UBE4A: variants seen among roughly 807,000 people sequenced by gnomAD.
The protein encoded by UBE4A is ubiquitination factor E4A.
A neutral mutation model predicts 117.9 loss-of-function variants in UBE4A; 48 were observed. The ratio of observed to expected loss-of-function variants is 0.41; its 90% CI spans 0.32 to 0.52. UBE4A has a LOEUF of 0.52. Among genes scored for constraint, UBE4A ranks in the 20% least tolerant of loss-of-function variants. UBE4A has a pLI of 0.33. For missense variants in UBE4A, 1,067 were observed against 1,296.3 expected (o/e 0.82, Z 2.72); for synonymous variants, 407 against 450.0 (o/e 0.90, Z 1.21).
intron 5 of UBE4A, among the ~76,000 whole-genome samples, chr11:118,371,987 C>T (rs540912408): frequency 2.0e-5 from 3 of 152,300 alleles, no homozygotes; most frequent in African/African-American, 7.2e-5. Flanking sequence ...AGGCTGGGCA[C>T]AGTGGCTCAC....
intron 13 of UBE4A, among the ~76,000 whole-genome samples, chr11:118,382,990 T>G (rs556698991): frequency 2.0e-5 from 3 of 152,238 alleles, no homozygotes; most frequent in East Asian, 3.9e-4. Flanking sequence ...CCTGTTTTAT[T>G]TATTTTTTAT....
Position 118,383,023 on chromosome 11 carries a change from A to G in UBE4A, c.2197+247A>G, listed in dbSNP as rs75912014. Among the ~76,000 whole-genome samples the G allele has an allele frequency of 1.6e-4, 24 of 151,946 alleles. No individual in the cohort carries two copies. In the East Asian group the frequency reaches 4.4e-3, roughly 28 times the overall value. On this transcript the variant is annotated intron_variant, in intron 13 of 19. Transcript: ENST00000252108. ...TATTTTTTAATTATTCTTGTTTTAC[A>G]TATGAAGACATGACTGCCCAAAAGA...
At chr11:118,391,470 G>A (rs1407189107) in intron 18 of UBE4A, among the ~76,000 whole-genome samples, 5 of 150,290 alleles carry the variant, frequency 3.3e-5, no homozygotes, top group Non-Finnish European at 5.9e-5. Context: ...GCAACAGAGC[G>A]AGATTCCATC....
intron 13 of UBE4A, among the ~76,000 whole-genome samples, chr11:118,383,094 TCTGTGTCAC>T (rs1948721020): frequency 6.6e-6 from 1 of 152,104 alleles, no homozygotes; most frequent in South Asian, 2.1e-4. Context: ...TAGAATCAGG[TCTGTGTCAC>T]CTAAAGAAAT....
At chr11:118,363,706 A>C (rs934593509) in intron 1 of UBE4A, among the ~76,000 whole-genome samples, 1 of 147,966 alleles carries the variant, frequency 6.8e-6, no homozygotes, top group Non-Finnish European at 1.5e-5. Context: ...CTGCCTCCCG[A>C]GTCCAAGCAA....
chr11:118,397,266 A>T lies in UBE4A; in HGVS notation c.*826A>T, dbSNP rs1405579100. ...GACACTAATATCAACAGTATATCTC[A>T]GTGTGTGAGATATATAAATACACAT... On this transcript the variant is annotated 3_prime_UTR_variant, in exon 20 of 20. Coordinates refer to ENST00000252108, the MANE Select transcript of UBE4A (RefSeq NM_001204077.2). The T allele has an allele frequency of 2.6e-5, 4 of 152,310 alleles. No individual in the cohort carries two copies. Among genetic ancestry groups the T allele is most frequent in the African/African-American group, 9.6e-5 (4 of 41,568 alleles). The allele number at this position is 152,310 out of a possible 1,614,324, so 9.4% of individuals were successfully genotyped here.
At chr11:118,363,805 A>T (rs527392065) in intron 1 of UBE4A, among the ~76,000 whole-genome samples, 1 of 151,884 alleles carries the variant, frequency 6.6e-6, no homozygotes, top group Non-Finnish European at 1.5e-5. Context: ...TTTAGTAGAG[A>T]TGGGGTTTCA....
At chr11:118,394,371 A>C (rs1482262646) in intron 19 of UBE4A, among the ~76,000 whole-genome samples, 3 of 152,132 alleles carry the variant, frequency 2.0e-5, no homozygotes, top group Non-Finnish European at 4.4e-5. Flanking sequence ...CATGTTACCC[A>C]GGCCAGTCTC....
intron 13 of UBE4A, 81 bp downstream of exon 13, chr11:118,382,857 C>A: frequency 7.8e-7 from 1 of 1,277,974 alleles, no homozygotes. Context: ...ATTTGGATAT[C>A]AAAGAAATGT....
chr11:118,373,026 T>C, intron 6 of UBE4A, 60 bp from the exon 7 acceptor site: 1 of 1,346,450 alleles, frequency 7.4e-7, no homozygotes, highest in East Asian at 2.3e-5. Flanking sequence ...AAAGAGCTAG[T>C]GTGTAAAGGC....
intron 5 of UBE4A, 57 bp from the exon 6 acceptor site, chr11:118,372,450 C>G: frequency 6.5e-7 from 1 of 1,535,998 alleles, no homozygotes. Context: ...ACTATGTCTA[C>G]TTTCGTTCCA....
chr11:118,384,534 C>T (rs1948736791), intron 13 of UBE4A, 101 bp from the exon 14 acceptor site: 1 of 1,113,012 alleles, frequency 9.0e-7, no homozygotes, highest in Admixed American at 2.2e-5. Context: ...CCTTAACACA[C>T]TCAAAAGCAA....
chr11:118,380,116 AGTGTGTGTGTGTGTGTGCGTGTGTGTGT>A (rs1266374703), intron 11 of UBE4A, among the ~76,000 whole-genome samples: 2 of 142,592 alleles, frequency 1.4e-5, no homozygotes, highest in Non-Finnish European at 3.1e-5. Context: ...GAAGGGAAAG[AGTGTGTGTGTGTGTGTGCGTGTGTGTGT>A]GTGTGTGTGT....
intron 18 of UBE4A, among the ~76,000 whole-genome samples, chr11:118,391,405 C>T (rs2134112415): frequency 6.6e-6 from 1 of 151,302 alleles, no homozygotes; most frequent in East Asian, 1.9e-4. Context: ...AGGAGAATCG[C>T]TTGAACCTGG....
Position 118,389,088 on chromosome 11 carries a change from T to C in UBE4A, c.2588-637T>C, listed in dbSNP as rs371562309. ...GGAGGATCACTTTGAGCCCAGGAGT[T>C]TGAGACCAGCCTGGGCAATATAGTG... On this transcript the variant is annotated intron_variant, in intron 16 of 19. Coordinates refer to ENST00000252108, the MANE Select transcript of UBE4A (RefSeq NM_001204077.2). Among the ~76,000 whole-genome samples, 13 of 152,320 alleles carry C rather than the reference T, an allele frequency of 8.5e-5. No homozygotes were observed. In the East Asian group the frequency reaches 1.7e-3, roughly 20 times the overall value.
intron 16 of UBE4A, among the ~76,000 whole-genome samples, chr11:118,387,502 A>G (rs1053871020): frequency 2.6e-5 from 4 of 152,166 alleles, no homozygotes; most frequent in Non-Finnish European, 4.4e-5. Context: ...AAACAAAAGG[A>G]TGGATCTAGG....
intron 16 of UBE4A, 55 bp from the exon 17 acceptor site, chr11:118,389,670 T>C (rs542689679): frequency 6.9e-7 from 1 of 1,447,482 alleles, no homozygotes; most frequent in East Asian, 2.4e-5. Context: ...CTATACCTAA[T>C]AAGGAAAAGA....
intron 11 of UBE4A, 78 bp from the exon 12 acceptor site, chr11:118,381,313 T>A: frequency 6.5e-7 from 1 of 1,535,036 alleles, no homozygotes. Flanking sequence ...TTAAGTAGGG[T>A]GAAAGGAATT....
intron 1 of UBE4A, among the ~76,000 whole-genome samples, chr11:118,364,399 A>G (rs1948546530): frequency 6.6e-6 from 1 of 152,120 alleles, no homozygotes; most frequent in African/African-American, 2.4e-5. Context: ...AGACCATTTA[A>G]TTTTTAGTGG....
Sources: allele counts gnomAD v4.1 joint callset (sites outside exome capture counted in the v4.1 genomes callset), GRCh38; gene constraint gnomAD v4.1.1; transcripts MANE v1.5; gene names NCBI Gene and HGNC (gene_info 2026-07-23, HGNC 2026-07-21).